Variants in PRKN observed in about 807,000 individuals in gnomAD.
PRKN encodes the protein E3 ubiquitin-protein ligase parkin.
PRKN carries 56 observed loss-of-function variants against 59.5 expected under a neutral mutation model. The ratio of observed to expected loss-of-function variants is 0.94; its 90% confidence interval spans 0.76 to 1.18. The LOEUF is 1.18. Among genes scored for constraint, PRKN ranks in the 50% most tolerant of loss-of-function variants. PRKN has a pLI of 0.00. For missense variants in PRKN, 657 were observed against 596.4 expected, an observed-to-expected ratio of 1.10 and a Z score of -1.06; for synonymous variants, 250 against 222.1, an observed-to-expected ratio of 1.13 and a Z score of -1.12.
In PRKN at chr6:162,645,913, C is replaced by T. The variant is rs568296974; in HGVS notation, c.7+81749G>A. On this transcript the variant is annotated intron_variant, in intron 1 of 11. Transcript: ENST00000366898. Reference sequence around the variant, plus strand: ...TTTTTGAGACAGAGTCTTGCTCTGTCGCCCAGGCTGGAGTGCAGTGGCAAG... The same window carrying T: ...TTTTTGAGACAGAGTCTTGCTCTGTTGCCCAGGCTGGAGTGCAGTGGCAAG... Among the ~76,000 whole-genome samples, 427 of 135,300 alleles carry T rather than the reference C, an allele frequency of 3.2e-3. 3 individuals are homozygous for T. Among genetic ancestry groups the T allele is most frequent in the African/African-American group, 0.011 (397 of 36,454 alleles). 88.8% of individuals were successfully genotyped at this position (135,300 alleles called of 152,430 possible).
chr6:162,313,315 C>A (rs1462987080), intron 2 of PRKN, among the ~76,000 whole-genome samples: 1 of 152,076 alleles, frequency 6.6e-6, no homozygotes, highest in Admixed American at 6.6e-5. Flanking sequence ...ACCTTCTAGT[C>A]TCTATGAATT....
At chr6:162,387,531 A>AAC (rs1157932001) in intron 2 of PRKN, among the ~76,000 whole-genome samples, 1,688 of 121,458 alleles carry the variant, frequency 0.014, 34 homozygotes, top group African/African-American at 0.026. Flanking sequence ...CCCTCCTCAC[A>AAC]ACACACACAC....
intron 1 of PRKN, among the ~76,000 whole-genome samples, chr6:162,552,732 T>G (rs1779379900): frequency 6.6e-6 from 1 of 151,964 alleles, no homozygotes; most frequent in African/African-American, 2.4e-5. Flanking sequence ...GTCATTAGCA[T>G]ATAGATGGTT....
intron 1 of PRKN, among the ~76,000 whole-genome samples, chr6:162,585,951 C>T (rs533377503): frequency 9.2e-5 from 14 of 152,188 alleles, no homozygotes; most frequent in African/African-American, 3.1e-4. Context: ...GTGATCCACC[C>T]GCCTCGGCCT....
At position 161,359,016 on chromosome 6, in the gene PRKN, G is replaced by A. The variant is rs1203054259; in HGVS notation, c.1285+1072C>T. Among the ~76,000 whole-genome samples, 7 of 151,680 alleles carry A rather than the reference G, an allele frequency of 4.6e-5. No individual in the cohort carries two copies. The highest frequency in any genetic ancestry group is 8.8e-5 in the Non-Finnish European group (6 of 67,926). On this transcript the variant is annotated intron_variant, in intron 11 of 11. Coordinates refer to ENST00000366898, the MANE Select transcript of PRKN (RefSeq NM_004562.3). This position sits in a 1 kb window ranked among gnomAD's most constrained non-coding sequence, Gnocchi z 5.4. ...TCACTGTGTTAGCCAGGATGGTCTC[G>A]ACCTCCTGACCTTGTGATCCACCCG... is the stretch of plus-strand genomic sequence containing the variant.
intron 1 of PRKN, among the ~76,000 whole-genome samples, chr6:162,499,514 C>A (rs1301177632): frequency 6.6e-6 from 1 of 152,160 alleles, no homozygotes. Context: ...GCAACCAATA[C>A]ATATTTACTG....
intron 3 of PRKN, among the ~76,000 whole-genome samples, chr6:162,228,705 A>G (rs927645972): frequency 1.3e-5 from 2 of 152,190 alleles, no homozygotes; most frequent in Admixed American, 6.5e-5. Flanking sequence ...TAATGAGGCG[A>G]AAACATGAAA....
At chr6:162,090,321 T>C (rs922250379) in intron 4 of PRKN, among the ~76,000 whole-genome samples, 1 of 152,248 alleles carries the variant, frequency 6.6e-6, no homozygotes, top group Non-Finnish European at 1.5e-5. Flanking sequence ...AGTTGGCCAG[T>C]TGAAGTTTAT....
At position 162,694,193 on chromosome 6, in the gene PRKN, G is replaced by C. The variant is rs558489295; in HGVS notation, c.7+33469C>G. On this transcript the variant is annotated intron_variant, in intron 1 of 11. Coordinates refer to ENST00000366898, the MANE Select transcript of PRKN (RefSeq NM_004562.3). Reference sequence around the variant, plus strand: ...ATCTGGGAGGCGGAGCTTGCAGTGAGCCGAGATCGTGCCACTGCACTCCAG... The same window carrying C: ...ATCTGGGAGGCGGAGCTTGCAGTGACCCGAGATCGTGCCACTGCACTCCAG... Among the ~76,000 whole-genome samples the C allele has an allele frequency of 4.3e-4, 60 of 138,274 alleles. 1 individual carries two copies. Among genetic ancestry groups the C allele is most frequent in the Admixed American group, 3.0e-3 (37 of 12,504 alleles). 90.7% of individuals were successfully genotyped at this position (138,274 alleles called of 152,430 possible). A position where few individuals can be genotyped will look rare whatever the true frequency, so the allele number is the denominator to read the frequency against.
chr6:162,173,678 C>G (rs1783398698), intron 4 of PRKN, among the ~76,000 whole-genome samples: 1 of 151,972 alleles, frequency 6.6e-6, no homozygotes, highest in Non-Finnish European at 1.5e-5. Flanking sequence ...TCATGCTTGT[C>G]TTACACCAAT....
intron 7 of PRKN, among the ~76,000 whole-genome samples, chr6:161,759,770 A>G (rs927825311): frequency 2.6e-5 from 4 of 152,098 alleles, no homozygotes; most frequent in African/African-American, 9.7e-5. Context: ...GCCAATGGTC[A>G]CCACATTGCA....
chr6:162,683,929 A>G (rs1779869629), intron 1 of PRKN, among the ~76,000 whole-genome samples: 1 of 152,162 alleles, frequency 6.6e-6, no homozygotes, highest in Non-Finnish European at 1.5e-5. Context: ...TTTAAGAGTG[A>G]AAAAACGTAC....
At chr6:162,722,126 C>T (rs1396245924) in intron 1 of PRKN, among the ~76,000 whole-genome samples, 3 of 152,162 alleles carry the variant, frequency 2.0e-5, no homozygotes, top group African/African-American at 7.2e-5. Flanking sequence ...GTACCTTCCC[C>T]ACAGGCAATA....
chr6:161,581,127 T>C lies in PRKN; in HGVS notation c.872-11711A>G. Among the ~76,000 whole-genome samples, 1 of 150,150 alleles carries C rather than the reference T, an allele frequency of 6.7e-6. No individual in the cohort carries two copies. On this transcript the variant is annotated intron_variant, in intron 7 of 11. Coordinates refer to ENST00000366898, the MANE Select transcript of PRKN (RefSeq NM_004562.3). This position sits in a 1 kb window ranked among gnomAD's most constrained non-coding sequence, Gnocchi z 4.5. Reference sequence around the variant, plus strand: ...CTTGTAATCCCAGCTACTGGGGAGGTTTGAACCTGGGAGGCAGAGGTTGCA... The same window carrying C: ...CTTGTAATCCCAGCTACTGGGGAGGCTTGAACCTGGGAGGCAGAGGTTGCA...
At chr6:161,713,242 G>A (rs1786827432) in intron 7 of PRKN, among the ~76,000 whole-genome samples, 1 of 152,190 alleles carries the variant, frequency 6.6e-6, no homozygotes, top group Non-Finnish European at 1.5e-5. Context: ...CAGCTTCCAT[G>A]CCCTTGCTGG....
intron 2 of PRKN, among the ~76,000 whole-genome samples, chr6:162,399,596 A>G (rs1309277591): frequency 6.6e-6 from 1 of 152,148 alleles, no homozygotes; most frequent in East Asian, 1.9e-4. Flanking sequence ...ACTACAAGAA[A>G]AAGTCTATTT....
At chr6:162,319,209 A>G (rs1186967734) in intron 2 of PRKN, among the ~76,000 whole-genome samples, 1 of 151,624 alleles carries the variant, frequency 6.6e-6, no homozygotes, top group Non-Finnish European at 1.5e-5. Context: ...GTTCTGCTGT[A>G]CATTAGAATT....
intron 2 of PRKN, among the ~76,000 whole-genome samples, chr6:162,385,362 A>G (rs1786746589): frequency 6.6e-6 from 1 of 152,328 alleles, no homozygotes; most frequent in African/African-American, 2.4e-5. Flanking sequence ...TTCCAGTAAT[A>G]AAACAGGAAG....
intron 1 of PRKN, among the ~76,000 whole-genome samples, chr6:162,618,961 T>C (rs1215673397): frequency 6.6e-6 from 1 of 152,176 alleles, no homozygotes; most frequent in African/African-American, 2.4e-5. Context: ...ATTCTCTGCA[T>C]AGTGACACTA....
Sources: gnomAD v4.1 joint callset for allele counts (sites outside exome capture counted in the v4.1 genomes callset) on GRCh38, gnomAD v4.1.1 for gene constraint, Gnocchi (gnomAD v3.1) non-coding constraint, MANE v1.5 for transcripts, NCBI Gene and HGNC (gene_info 2026-07-23, HGNC 2026-07-21) for gene names.